EVI5: variants seen among roughly 807,000 people sequenced by gnomAD.
EVI5 encodes ecotropic viral integration site 5 protein homolog.
In EVI5, 73 loss-of-function variants were observed where a neutral mutation model predicts 112.0. The ratio of observed to expected loss-of-function variants is 0.65; its 90% CI spans 0.54 to 0.79. EVI5 has a LOEUF of 0.79. EVI5 is among the 30% of genes least tolerant of loss of function. The probability of loss-of-function intolerance (pLI) is 0.00; values close to 1 mark genes in which losing one functional copy is unlikely to be tolerated. For synonymous variants in EVI5, 305 were observed against 319.9 expected (o/e 0.95, Z 0.50); for missense variants, 900 against 968.8 (o/e 0.93, Z 0.94).
At chr1:92,590,911 T>A (rs879804018) in intron 18 of EVI5, among the ~76,000 whole-genome samples, 8 of 152,170 alleles carry the variant, frequency 5.3e-5, no homozygotes, top group African/African-American at 1.7e-4. Context: ...TAACAGCTGA[T>A]CTCTCAGCAG....
intron 19 of EVI5, among the ~76,000 whole-genome samples, chr1:92,520,144 T>C (rs996444340): frequency 7.9e-5 from 12 of 152,180 alleles, no homozygotes; most frequent in Admixed American, 1.3e-4. Context: ...GCAAAACCCA[T>C]TGAATTTTAC....
rs2103130196 is a variant in EVI5, at chr1:92,784,896, G to A, written c.-142C>T. The A allele has an allele frequency of 2.0e-6, 2 of 986,052 alleles. No homozygotes were observed. The highest frequency in any genetic ancestry group is 1.1e-4 in the East Asian group (1 of 8,810). The allele number at this position is 986,052 out of a possible 1,614,324, so 61.1% of individuals were successfully genotyped here. A position where few individuals can be genotyped will look rare whatever the true frequency, so the allele number is the denominator to read the frequency against. Reference sequence around the variant, plus strand: ...AACTTCCCATCCAGCCGGCAGCCGCGCCGCCGCGTCTCAGCGCCTCGGCCC... The same window carrying A: ...AACTTCCCATCCAGCCGGCAGCCGCACCGCCGCGTCTCAGCGCCTCGGCCC... On this transcript the variant is annotated 5_prime_UTR_variant, in exon 1 of 20. Transcript: ENST00000684568.
chr1:92,728,008 T>TACCCCGTCTCTACTA (rs1675852050), intron 2 of EVI5, among the ~76,000 whole-genome samples: 1 of 52,494 alleles, frequency 1.9e-5, no homozygotes, highest in Non-Finnish European at 3.8e-5. Context: ...AAAAAAAAGT[T>TACCCCGTCTCTACTA]AAAGATAAAC....
chr1:92,569,223 G>C (rs1401980849), intron 18 of EVI5, among the ~76,000 whole-genome samples: 6 of 152,248 alleles, frequency 3.9e-5, no homozygotes, highest in Admixed American at 2.0e-4. Flanking sequence ...TGAGTGAACT[G>C]GTTGCCTAAG....
chr1:92,516,939 T>C (rs576370862), intron 19 of EVI5, among the ~76,000 whole-genome samples: 3 of 152,018 alleles, frequency 2.0e-5, no homozygotes, highest in East Asian at 3.9e-4. Flanking sequence ...AAACTGAGAT[T>C]AGCATATTTC....
At chr1:92,747,311 A>G (rs1483725809) in intron 1 of EVI5, among the ~76,000 whole-genome samples, 1 of 152,156 alleles carries the variant, frequency 6.6e-6, no homozygotes, top group African/African-American at 2.4e-5. Context: ...TGGTAGTATG[A>G]GGGCAGTGAT....
At chr1:92,724,107 A>G (rs763152866) in intron 2 of EVI5, among the ~76,000 whole-genome samples, 1 of 152,044 alleles carries the variant, frequency 6.6e-6, no homozygotes, top group Non-Finnish European at 1.5e-5. Flanking sequence ...TTGCCTTGTG[A>G]TCTTTATTGC....
chr1:92,713,752 G>C (rs978310760), intron 2 of EVI5, among the ~76,000 whole-genome samples: 2 of 152,166 alleles, frequency 1.3e-5, no homozygotes, highest in African/African-American at 2.4e-5. Flanking sequence ...ACTCCAGCCT[G>C]GCCGACAGAG....
intron 19 of EVI5, among the ~76,000 whole-genome samples, chr1:92,524,828 CTTT>C (rs556819782): frequency 2.9e-5 from 4 of 137,562 alleles, no homozygotes. Context: ...AGATTAACTA[CTTT>C]TTTTTTTTTT....
At chr1:92,519,691 G>A (rs1334360505) in intron 19 of EVI5, among the ~76,000 whole-genome samples, 4 of 151,928 alleles carry the variant, frequency 2.6e-5, no homozygotes, top group Admixed American at 2.6e-4. Flanking sequence ...TCGGTACTTC[G>A]AGACCAGCCT....
chr1:92,548,736 C>A (rs1666249825), intron 19 of EVI5, among the ~76,000 whole-genome samples: 1 of 152,144 alleles, frequency 6.6e-6, no homozygotes, highest in South Asian at 2.1e-4. Flanking sequence ...TGAGTGAACT[C>A]CTATTCACTA....
At chr1:92,693,430 G>A (rs1320208028) in intron 9 of EVI5, among the ~76,000 whole-genome samples, 2 of 152,086 alleles carry the variant, frequency 1.3e-5, no homozygotes, top group African/African-American at 2.4e-5. Context: ...CATACCTCAT[G>A]TCTATCTTGC....
chr1:92,600,243 G>C (rs1349472335), intron 18 of EVI5, among the ~76,000 whole-genome samples: 1 of 152,148 alleles, frequency 6.6e-6, no homozygotes, highest in Non-Finnish European at 1.5e-5. Flanking sequence ...TGTATAGGAA[G>C]ATGACACAAT....
At chr1:92,537,006 T>G (rs1024412396) in intron 19 of EVI5, among the ~76,000 whole-genome samples, 2 of 152,154 alleles carry the variant, frequency 1.3e-5, no homozygotes, top group African/African-American at 2.4e-5. Context: ...TAAAAAAAAT[T>G]TCCCCTGTGT....
At chr1:92,608,673 T>C (rs1192323231) in intron 16 of EVI5, among the ~76,000 whole-genome samples, 2 of 149,710 alleles carry the variant, frequency 1.3e-5, no homozygotes, top group Non-Finnish European at 3.0e-5. Context: ...AACTGCACTC[T>C]AGCCTGGGTG....
At chr1:92,683,417 TCAAAGAC>T (rs1667931495) in intron 9 of EVI5, among the ~76,000 whole-genome samples, 1 of 151,860 alleles carries the variant, frequency 6.6e-6, no homozygotes, top group South Asian at 2.1e-4. Flanking sequence ...GTCACCAACA[TCAAAGAC>T]CAAAGGTAGA....
intron 2 of EVI5, among the ~76,000 whole-genome samples, chr1:92,717,871 CAA>C (rs540704460): frequency 7.4e-6 from 1 of 134,962 alleles, no homozygotes. Context: ...AATTGGAAAG[CAA>C]AAAAAAAAAC....
At chr1:92,676,901 T>C (rs1386356068) in intron 10 of EVI5, among the ~76,000 whole-genome samples, 1 of 152,190 alleles carries the variant, frequency 6.6e-6, no homozygotes, top group Non-Finnish European at 1.5e-5. Context: ...GGAATGATAA[T>C]TTTCTTCTCC....
At position 92,513,057 on chromosome 1, in the gene EVI5, A is replaced by C. The variant is rs200513770; in HGVS notation, c.*599T>G. On this transcript the variant is annotated 3_prime_UTR_variant, in exon 20 of 20. Transcript: ENST00000684568. Reference sequence around the variant, plus strand: ...CAGGTACTCGGGAGGCTGAGGCAGGAAAATTGCTTGAACCTGGGAGGCGGA... The same window carrying C: ...CAGGTACTCGGGAGGCTGAGGCAGGCAAATTGCTTGAACCTGGGAGGCGGA... The C allele has an allele frequency of 6.6e-6, 1 of 152,140 alleles. No individual in the cohort carries two copies. Among genetic ancestry groups the C allele is most frequent in the Admixed American group, 6.6e-5 (1 of 15,264 alleles). 9.4% of individuals were successfully genotyped at this position (152,140 alleles called of 1,614,324 possible).
Sources: allele counts gnomAD v4.1 joint callset (sites outside exome capture counted in the v4.1 genomes callset), GRCh38; gene constraint gnomAD v4.1.1; transcripts MANE v1.5; gene names NCBI Gene and HGNC (gene_info 2026-07-23, HGNC 2026-07-21).